ADGB: variants seen among roughly 807,000 people sequenced by gnomAD.
ADGB encodes the protein androglobin.
In ADGB, 172 loss-of-function variants were observed where a neutral mutation model predicts 210.5. That is an observed-to-expected ratio of 0.82 (90% CI 0.72 to 0.93). The LOEUF is 0.93. ADGB is among the 40% of genes least tolerant of loss of function. The pLI is 0.00. For missense variants in ADGB, 2,025 were observed against 1,964.8 expected (o/e 1.03, Z -0.58); for synonymous variants, 658 against 662.7 (o/e 0.99, Z 0.11).
chr6:146,749,467 C>G (rs1777288773), intron 26 of ADGB, among the ~76,000 whole-genome samples: 1 of 152,064 alleles, frequency 6.6e-6, no homozygotes, highest in African/African-American at 2.4e-5. Flanking sequence ...AGGGAAAGTA[C>G]AAAAGTTGCT....
At chr6:146,616,161 G>A (rs1669094858) in intron 1 of ADGB, among the ~76,000 whole-genome samples, 1 of 151,756 alleles carries the variant, frequency 6.6e-6, no homozygotes, top group Admixed American at 6.6e-5. Flanking sequence ...TATCCCTGAT[G>A]ATTAATGATG....
intron 13 of ADGB, 65 bp from the exon 14 acceptor site, chr6:146,715,317 A>T: frequency 7.8e-7 from 1 of 1,282,704 alleles, no homozygotes; most frequent in Non-Finnish European, 1.1e-6. Context: ...TCTTTTAGTA[A>T]CTTTGGTGCT....
intron 35 of ADGB, chr6:146,803,579 G>A: frequency 1.4e-6 from 2 of 1,456,250 alleles, no homozygotes; most frequent in East Asian, 2.3e-5. Flanking sequence ...AACTGTTTTG[G>A]AGACTTCTTA....
intron 35 of ADGB, chr6:146,803,796 T>TC: frequency 1.9e-6 from 1 of 517,826 alleles, no homozygotes; most frequent in Non-Finnish European, 3.4e-6. Context: ...GCCTAGAGCG[T>TC]CCCTCGGCTT....
Position 146,788,442 on chromosome 6 carries a change from T to C in ADGB, c.4369T>C (p.Ser1457Pro), listed in dbSNP as rs1324016786. 4 of 1,551,414 alleles carry C rather than the reference T, an allele frequency of 2.6e-6. No homozygotes were observed. The highest frequency in any genetic ancestry group is 2.7e-5 in the African/African-American group (2 of 72,984). The change falls in exon 33 of 36, where the codon TCA (serine) becomes CCA (proline). Residue 1457 changes from serine to proline, a missense_variant. Coordinates refer to ENST00000397944, the MANE Select transcript of ADGB (RefSeq NM_024694.4). ...ACCAAACTCAAAGAATTCTGCAGGT[T>C]CAGAGAGCAAAGAGATGACACAAAC... ...KEPNSKNSAG[S>P]ESKEMTQTGS... is the part of the protein sequence containing the mutation.
At chr6:146,756,749 T>G (rs1777411699) in intron 27 of ADGB, among the ~76,000 whole-genome samples, 1 of 151,950 alleles carries the variant, frequency 6.6e-6, no homozygotes, top group South Asian at 2.1e-4. Flanking sequence ...CTAAATTTTT[T>G]TTTTTTGAGA....
chr6:146,629,046 C>A (rs1583565536), intron 1 of ADGB, among the ~76,000 whole-genome samples: 1 of 151,984 alleles, frequency 6.6e-6, no homozygotes, highest in Admixed American at 6.6e-5. Flanking sequence ...ATTAAAATTG[C>A]AAATTGTATT....
chr6:146,800,139 T>TG (rs1176310030), intron 33 of ADGB, among the ~76,000 whole-genome samples: 1 of 22,354 alleles, frequency 4.5e-5, no homozygotes, highest in African/African-American at 1.0e-4. Context: ...AACTTTTTTC[T>TG]TTTTTTTTAA....
intron 13 of ADGB, among the ~76,000 whole-genome samples, chr6:146,712,184 G>GTTTT (rs112151598): frequency 6.7e-6 from 1 of 149,898 alleles, no homozygotes; most frequent in African/African-American, 2.5e-5. Flanking sequence ...GTTTTGTTTT[G>GTTTT]TTTTTTTTTG....
chr6:146,807,064 A>G (rs138576359), intron 35 of ADGB, among the ~76,000 whole-genome samples: 356 of 152,354 alleles, frequency 2.3e-3, no homozygotes, highest in Non-Finnish European at 3.9e-3. Flanking sequence ...TCTTGAGCAC[A>G]GTTACTTTGC....
chr6:146,672,196 T>A, intron 7 of ADGB, 24 bp from the exon 8 acceptor site: 1 of 1,459,556 alleles, frequency 6.9e-7, no homozygotes, highest in Non-Finnish European at 9.1e-7. Flanking sequence ...GTTTGGAAAT[T>A]AATGTTTTTG....
chr6:146,659,638 C>G (rs1253127502), intron 5 of ADGB, among the ~76,000 whole-genome samples: 1 of 152,108 alleles, frequency 6.6e-6, no homozygotes, highest in Middle Eastern at 3.2e-3. Context: ...AGTTTGGATT[C>G]TAAGTAAATT....
At chr6:146,617,295 G>C (rs1358172842) in intron 1 of ADGB, among the ~76,000 whole-genome samples, 2 of 151,988 alleles carry the variant, frequency 1.3e-5, no homozygotes, top group East Asian at 3.8e-4. Flanking sequence ...GTTGATTTGT[G>C]TGCTGCAACT....
chr6:146,675,494 G>A (rs1158610364), intron 8 of ADGB, among the ~76,000 whole-genome samples: 1 of 151,308 alleles, frequency 6.6e-6, no homozygotes, highest in Non-Finnish European at 1.5e-5. Context: ...AAAAAGCTAA[G>A]GTATGAAACA....
chr6:146,667,081 C>T (rs1441172966), intron 7 of ADGB, among the ~76,000 whole-genome samples, 179 bp downstream of exon 7: 1 of 151,830 alleles, frequency 6.6e-6, no homozygotes, highest in Non-Finnish European at 1.5e-5. Context: ...AATTCTATTT[C>T]CTTATGTAGG....
chr6:146,693,142 T>TAA (rs1173749257), intron 12 of ADGB, among the ~76,000 whole-genome samples: 1 of 152,208 alleles, frequency 6.6e-6, no homozygotes, highest in East Asian at 1.9e-4. Context: ...TTGTGTGTGT[T>TAA]ATGAGCTGAA....
intron 26 of ADGB, among the ~76,000 whole-genome samples, chr6:146,747,784 T>TTC (rs1491439124): frequency 3.2e-5 from 1 of 31,672 alleles, no homozygotes; most frequent in Non-Finnish European, 6.5e-5. Context: ...TATATATGTA[T>TTC]TTTTTTTTTT....
chr6:146,799,429 G>A (rs1318272630), intron 33 of ADGB, among the ~76,000 whole-genome samples: 2 of 151,852 alleles, frequency 1.3e-5, no homozygotes, highest in African/African-American at 2.4e-5. Context: ...AGCTACTTGG[G>A]AGGCTGAAGC....
At chr6:146,602,942 G>T (rs938404552) in intron 1 of ADGB, among the ~76,000 whole-genome samples, 2 of 152,188 alleles carry the variant, frequency 1.3e-5, no homozygotes, top group African/African-American at 4.8e-5. Context: ...TGCCAAAAAG[G>T]TTGGGGATGG....
Sources: gnomAD v4.1 joint callset for allele counts (sites outside exome capture counted in the v4.1 genomes callset) on GRCh38, gnomAD v4.1.1 for gene constraint, MANE v1.5 for transcripts, NCBI Gene and HGNC (gene_info 2026-07-23, HGNC 2026-07-21) for gene names.